Variants in R3HDM1 observed in about 807,000 individuals in gnomAD.
R3HDM1 encodes the protein R3H domain containing 1.
R3HDM1 carries 46 observed loss-of-function variants against 141.1 expected under a neutral mutation model. The observed-to-expected ratio is 0.33, with a 90% CI of 0.26 to 0.42. R3HDM1 has a LOEUF of 0.42. R3HDM1 is among the 10% of genes least tolerant of loss of function. The probability of loss-of-function intolerance (pLI) is 1.00; values close to 1 mark genes in which losing one functional copy is unlikely to be tolerated. For synonymous variants in R3HDM1, 435 were observed against 472.9 expected, an observed-to-expected ratio of 0.92 and a Z score of 1.04; for missense variants, 1,184 against 1,368.3, an observed-to-expected ratio of 0.87 and a Z score of 2.12.
intron 18 of R3HDM1, among the ~76,000 whole-genome samples, chr2:135,652,476 T>C (rs2065251201): frequency 6.6e-6 from 1 of 152,236 alleles, no homozygotes; most frequent in South Asian, 2.1e-4. Flanking sequence ...AATATTTAAC[T>C]AACTTTTAAT....
intron 19 of R3HDM1, among the ~76,000 whole-genome samples, chr2:135,673,291 G>T (rs189245117): frequency 1.1e-3 from 175 of 152,284 alleles, no homozygotes; most frequent in African/African-American, 3.6e-3. Flanking sequence ...GTCATAAGAA[G>T]TTATTATTCC....
intron 1 of R3HDM1, among the ~76,000 whole-genome samples, chr2:135,591,090 G>A (rs1319433832): frequency 6.6e-6 from 1 of 152,122 alleles, no homozygotes; most frequent in Non-Finnish European, 1.5e-5. Flanking sequence ...GTGTAGGAAG[G>A]AAATGGGTCA....
At position 135,565,358 on chromosome 2, in the gene R3HDM1, TA is replaced by T. The variant is rs1201318770; in HGVS notation, c.-250+33726del. Reference sequence around the variant, plus strand: ...TTATTATTATTATTATTATTATTATTATTATTTTTAAATTTAAGAGACAAGA... The same window carrying T: ...TTATTATTATTATTATTATTATTATTTTATTTTTAAATTTAAGAGACAAGA... On this transcript the variant is annotated intron_variant, in intron 1 of 26. Transcript: ENST00000683871. Among the ~76,000 whole-genome samples the T allele has an allele frequency of 4.5e-3, 668 of 147,808 alleles. 5 individuals carry two copies. Among genetic ancestry groups the T allele is most frequent in the African/African-American group, 0.015 (621 of 40,744 alleles).
At chr2:135,715,753 A>G in intron 24 of R3HDM1, 59 bp downstream of exon 24, 1 of 1,540,104 alleles carries the variant, frequency 6.5e-7, no homozygotes, top group Non-Finnish European at 8.8e-7. Context: ...ATTCCCAGTC[A>G]CTTGGTAATT....
chr2:135,550,660 T>C (rs973071278), intron 1 of R3HDM1, among the ~76,000 whole-genome samples: 2 of 152,242 alleles, frequency 1.3e-5, no homozygotes, highest in South Asian at 2.1e-4. Context: ...ATCAAAGATA[T>C]ACCTCTGCTC....
At chr2:135,598,105 T>G (rs1043023716) in intron 1 of R3HDM1, among the ~76,000 whole-genome samples, 1 of 152,212 alleles carries the variant, frequency 6.6e-6, no homozygotes, top group African/African-American at 2.4e-5. Context: ...AATTCTGCCT[T>G]GCTTTGTTTC....
At chr2:135,544,793 C>T (rs1393895988) in intron 1 of R3HDM1, among the ~76,000 whole-genome samples, 1 of 152,128 alleles carries the variant, frequency 6.6e-6, no homozygotes, top group East Asian at 1.9e-4. Context: ...AAACCCTCAT[C>T]TCTACTAAAA....
In R3HDM1 at chr2:135,723,933, C is replaced by G; in HGVS notation, c.3050-4C>G. 6.2e-7 allele frequency: 1 copy of G among 1,601,516 alleles called. No homozygotes were observed. Among genetic ancestry groups the G allele is most frequent in the South Asian group, 1.1e-5 (1 of 90,226 alleles). The stretch of plus-strand genomic sequence containing the variant: ...GTATTGATTCTGTACCTTTTCTATT[C>G]TAGTTGTTGGGAAGGTCTTGGAAAT... On this transcript the variant is annotated splice_region_variant and splice_polypyrimidine_tract_variant and intron_variant, in intron 26 of 26. Coordinates refer to ENST00000683871, the MANE Select transcript of R3HDM1 (RefSeq NM_001378107.1).
In R3HDM1 at chr2:135,680,303, C is replaced by A; in HGVS notation, c.2438C>A (p.Pro813His). The change falls in exon 21 of 27, where the codon CCT becomes CAT. Residue 813 changes from proline to histidine, a missense_variant. This residue lies in a region of R3HDM1 where 563 missense variants were observed against 562.0 expected (regional missense o/e 1.00). Transcript: ENST00000683871. Reference sequence around the variant, plus strand: ...CCTGTTTACTATAGTGTCATTCCACCTGGTCAACAAAACAATTTAAGGTGA... The same window carrying A: ...CCTGTTTACTATAGTGTCATTCCACATGGTCAACAAAACAATTTAAGGTGA... ...GMPVYYSVIP[P>H]GQQNNLSSSV... 6.2e-7 allele frequency: 1 copy of A among 1,613,964 alleles called. No individual in the cohort carries two copies. Among genetic ancestry groups the A allele is most frequent in the Non-Finnish European group, 8.5e-7 (1 of 1,179,916 alleles).
chr2:135,556,623 A>C (rs920358682), intron 1 of R3HDM1, among the ~76,000 whole-genome samples: 2 of 150,746 alleles, frequency 1.3e-5, no homozygotes, highest in African/African-American at 4.9e-5. Flanking sequence ...GGTTCACGCC[A>C]TTCTCCTGCC....
intron 22 of R3HDM1, 33 bp downstream of exon 22, chr2:135,709,569 G>T: frequency 6.2e-7 from 1 of 1,605,324 alleles, no homozygotes; most frequent in South Asian, 1.1e-5. Context: ...AAGATGATTG[G>T]TTCATATGAG....
intron 9 of R3HDM1, among the ~76,000 whole-genome samples, chr2:135,634,341 G>A (rs2063041889): frequency 2.0e-5 from 3 of 152,074 alleles, no homozygotes; most frequent in African/African-American, 7.2e-5. Flanking sequence ...ATGTTCAAAA[G>A]TATTACTTCG....
At chr2:135,665,551 T>C in intron 19 of R3HDM1, 1 of 446,018 alleles carries the variant, frequency 2.2e-6, no homozygotes, top group Non-Finnish European at 4.8e-6. Context: ...TTAACATTTG[T>C]TTATATTTTT....
chr2:135,542,403 C>G (rs1697791545), intron 1 of R3HDM1, among the ~76,000 whole-genome samples: 1 of 152,132 alleles, frequency 6.6e-6, no homozygotes, highest in African/African-American at 2.4e-5. Context: ...TGAACAAATC[C>G]AAGTTACAGT....
At chr2:135,687,574 T>G (rs1400820781) in intron 21 of R3HDM1, among the ~76,000 whole-genome samples, 1 of 150,458 alleles carries the variant, frequency 6.6e-6, no homozygotes, top group Non-Finnish European at 1.5e-5. Context: ...GTATGAAAGC[T>G]TGAAGAAATC....
chr2:135,709,664 G>A, intron 22 of R3HDM1, 128 bp downstream of exon 22: 1 of 1,114,694 alleles, frequency 9.0e-7, no homozygotes. Flanking sequence ...AATATTGAGG[G>A]TGCTGTACTG....
intron 14 of R3HDM1, among the ~76,000 whole-genome samples, chr2:135,640,485 A>G (rs370385020): frequency 6.6e-5 from 10 of 152,338 alleles, no homozygotes; most frequent in African/African-American, 1.4e-4. Flanking sequence ...AATGTGTACT[A>G]TATGTATTCT....
intron 1 of R3HDM1, among the ~76,000 whole-genome samples, chr2:135,551,668 C>T (rs1699876493): frequency 1.3e-5 from 2 of 152,088 alleles, no homozygotes; most frequent in East Asian, 3.9e-4. Flanking sequence ...ATAGTTTTGT[C>T]GTTTTACATT....
intron 19 of R3HDM1, among the ~76,000 whole-genome samples, chr2:135,671,848 C>T (rs781363962): frequency 1.3e-5 from 2 of 151,958 alleles, no homozygotes; most frequent in African/African-American, 4.8e-5. Flanking sequence ...TGGTGGCACA[C>T]GCCTGTAATT....
Sources: allele counts gnomAD v4.1 joint callset (sites outside exome capture counted in the v4.1 genomes callset), GRCh38; gene constraint gnomAD v4.1.1; regional missense constraint gnomAD v4.1.1; transcripts MANE v1.5; gene names NCBI Gene and HGNC (gene_info 2026-07-23, HGNC 2026-07-21).